The following ZC3H3 variants were observed in gnomAD, a reference collection of about 807,000 sequenced individuals.
ZC3H3 encodes zinc finger CCCH-type containing 3.
A neutral mutation model predicts 77.3 loss-of-function variants in ZC3H3; 36 were observed. The ratio of observed to expected loss-of-function variants is 0.47; its 90% confidence interval spans 0.36 to 0.61. The LOEUF is 0.61. Among genes scored for constraint, ZC3H3 ranks in the 20% least tolerant of loss-of-function variants. ZC3H3 has a pLI of 0.00. For missense variants in ZC3H3, 1,331 were observed against 1,312.2 expected (o/e 1.01, Z -0.22); for synonymous variants, 626 against 555.2 (o/e 1.13, Z -1.79).
chr8:143,450,008 C>T (rs139414687), intron 9 of ZC3H3, among the ~76,000 whole-genome samples: 263 of 152,296 alleles, frequency 1.7e-3, no homozygotes, highest in African/African-American at 5.2e-3. Context: ...CAAAACTCTC[C>T]TCATCTTGCT....
chr8:143,482,172 G>C (rs755196364), intron 4 of ZC3H3, among the ~76,000 whole-genome samples: 8 of 152,374 alleles, frequency 5.3e-5, no homozygotes, highest in Non-Finnish European at 1.0e-4. Flanking sequence ...AGTTCTCCTG[G>C]GAAGTTCTGG....
Position 143,538,966 on chromosome 8 carries a change from C to A in ZC3H3, c.401G>T (p.Gly134Val), listed in dbSNP as rs1271135285. 2.5e-6 allele frequency: 4 copies of A among 1,612,954 alleles called. No individual in the cohort carries two copies. Among genetic ancestry groups the A allele is most frequent in the Non-Finnish European group, 3.4e-6 (4 of 1,180,040 alleles). The part of the protein sequence containing the change: ...VIKVKPPSKS[G>V]SASASGAQRG... ...CTGGGCCCCTGAGGCACTGGCAGAGCCAGACTTTGATGGCGGTTTAACTTT... is the reference window on the plus strand; with the variant it reads ...CTGGGCCCCTGAGGCACTGGCAGAGACAGACTTTGATGGCGGTTTAACTTT... The change falls in exon 2 of 12, where the codon GGC becomes GTC. Residue 134 changes from glycine to valine, a missense_variant. Gly to Val is a moderately radical substitution (Grantham distance 109). This residue lies in a region of ZC3H3 where 978 missense variants were observed against 915.5 expected (regional missense o/e 1.07). Coordinates refer to ENST00000262577, the MANE Select transcript of ZC3H3 (RefSeq NM_015117.3).
At chr8:143,495,084 C>T (rs747319219) in intron 4 of ZC3H3, among the ~76,000 whole-genome samples, 3 of 152,206 alleles carry the variant, frequency 2.0e-5, no homozygotes, top group South Asian at 2.1e-4. Flanking sequence ...AGCGATCCCA[C>T]GCGCGACAGT....
At chr8:143,523,272 C>G in intron 3 of ZC3H3, 1 of 978,522 alleles carries the variant, frequency 1.0e-6, no homozygotes. Flanking sequence ...GCTCCACGTC[C>G]CCAGGGGCTA....
intron 5 of ZC3H3, among the ~76,000 whole-genome samples, chr8:143,475,175 A>G (rs1820697398): frequency 6.6e-6 from 1 of 152,172 alleles, no homozygotes; most frequent in South Asian, 2.1e-4. Flanking sequence ...TGTATGGAAG[A>G]GTGAAATTAA....
chr8:143,444,592 A>G (rs1417527268), intron 9 of ZC3H3, among the ~76,000 whole-genome samples: 2 of 152,260 alleles, frequency 1.3e-5, no homozygotes, highest in Non-Finnish European at 2.9e-5. Context: ...AAATTAGCAC[A>G]TTAACAGGTT....
chr8:143,470,786 G>C (rs1294358200), intron 5 of ZC3H3, among the ~76,000 whole-genome samples: 1 of 152,206 alleles, frequency 6.6e-6, no homozygotes, highest in Non-Finnish European at 1.5e-5. Context: ...CAAATGCTTT[G>C]CAGTGTTAAA....
intron 3 of ZC3H3, among the ~76,000 whole-genome samples, chr8:143,529,321 C>T (rs1822524743): frequency 6.6e-6 from 1 of 152,216 alleles, no homozygotes; most frequent in Non-Finnish European, 1.5e-5. Context: ...GTGACACCCC[C>T]ATAAGCATCT....
chr8:143,508,454 A>G (rs1182907368), intron 3 of ZC3H3, among the ~76,000 whole-genome samples: 1 of 152,228 alleles, frequency 6.6e-6, no homozygotes, highest in African/African-American at 2.4e-5. Context: ...CACTGTTTTC[A>G]TAACATTTTG....
chr8:143,446,927 G>C (rs1287056681), intron 9 of ZC3H3, among the ~76,000 whole-genome samples: 2 of 152,248 alleles, frequency 1.3e-5, no homozygotes, highest in African/African-American at 4.8e-5. Flanking sequence ...AGCCTCAGGT[G>C]AATCTCCCAG....
intron 4 of ZC3H3, among the ~76,000 whole-genome samples, chr8:143,485,784 A>C (rs185245115): frequency 6.6e-6 from 1 of 152,374 alleles, no homozygotes; most frequent in Admixed American, 6.5e-5. Flanking sequence ...AATCACACAA[A>C]AACAGGCCAA....
At position 143,538,869 on chromosome 8, in the gene ZC3H3, G is replaced by A; in HGVS notation, c.498C>T (p.Pro166=). The part of the protein sequence containing the change: ...DQRPREGEGE[P]PRGQLQPSRP... ...TCGAGGGCTGCAGCTGTCCCCGAGG[G>A]GGCTCACCTTCACCTTCCCGGGGCC... Residue 166 remains proline (P), a synonymous_variant, in exon 2 of 12, where the codon CCC becomes CCT. Coordinates refer to ENST00000262577, the MANE Select transcript of ZC3H3 (RefSeq NM_015117.3). 1 of 1,612,550 alleles carries A rather than the reference G, an allele frequency of 6.2e-7. No individual in the cohort carries two copies. Among genetic ancestry groups the A allele is most frequent in the Non-Finnish European group, 8.5e-7 (1 of 1,179,770 alleles).
At position 143,530,028 on chromosome 8, in the gene ZC3H3, A is replaced by C. The variant is rs1355862379; in HGVS notation, c.1561+6229T>G. Among the ~76,000 whole-genome samples, 1 of 152,148 alleles carries C rather than the reference A, an allele frequency of 6.6e-6. No individual in the cohort carries two copies. Among genetic ancestry groups the C allele is most frequent in the Non-Finnish European group, 1.5e-5 (1 of 68,020 alleles). Reference sequence around the variant, plus strand: ...TGCTGACAGCAGTTCCTCCACACCCAGGGGCGGGCACGGCAGACTGAGGGA... The same window carrying C: ...TGCTGACAGCAGTTCCTCCACACCCCGGGGCGGGCACGGCAGACTGAGGGA... On this transcript the variant is annotated intron_variant, in intron 3 of 11. Coordinates refer to ENST00000262577, the MANE Select transcript of ZC3H3 (RefSeq NM_015117.3). The surrounding 1 kb of genome is among the most constrained non-coding windows in gnomAD (Gnocchi z 4.3).
intron 3 of ZC3H3, among the ~76,000 whole-genome samples, chr8:143,526,672 G>A (rs1004058982): frequency 1.3e-5 from 2 of 152,206 alleles, no homozygotes; most frequent in African/African-American, 4.8e-5. Context: ...ACGGGCAGCA[G>A]ATGGGGCACA....
chr8:143,529,812 C>T (rs1822544139), intron 3 of ZC3H3, among the ~76,000 whole-genome samples: 1 of 152,222 alleles, frequency 6.6e-6, no homozygotes, highest in Non-Finnish European at 1.5e-5. Context: ...CAACAGCTCA[C>T]ACAGGCTCTC....
At chr8:143,510,512 G>A (rs1463765742) in intron 3 of ZC3H3, among the ~76,000 whole-genome samples, 1 of 152,278 alleles carries the variant, frequency 6.6e-6, no homozygotes, top group Admixed American at 6.5e-5. Flanking sequence ...CCAGCGACTG[G>A]CAGGAGCAAG....
At chr8:143,536,044 C>G (rs961288315) in intron 3 of ZC3H3, among the ~76,000 whole-genome samples, 7 of 152,220 alleles carry the variant, frequency 4.6e-5, no homozygotes, top group Admixed American at 2.6e-4. Context: ...CAGCACCTGC[C>G]CAGCAGCACA....
chr8:143,537,533 C>A (rs1388775036), intron 2 of ZC3H3, among the ~76,000 whole-genome samples: 2 of 152,236 alleles, frequency 1.3e-5, no homozygotes, highest in Non-Finnish European at 2.9e-5. Context: ...CTGGCAGGGC[C>A]CAGAGCTCTG....
In ZC3H3 at chr8:143,530,732, G is replaced by A. The variant is rs576792377; in HGVS notation, c.1561+5525C>T. Among the ~76,000 whole-genome samples, 4 of 152,284 alleles carry A rather than the reference G, an allele frequency of 2.6e-5. No individual in the cohort carries two copies. The highest frequency in any genetic ancestry group is 3.9e-4 in the East Asian group (2 of 5,174). The stretch of plus-strand genomic sequence containing the variant: ...GAGAGCCTGGCCACAGTGCTCAGCC[G>A]TGTGTACTGTAAACACTGTACTCGA... On this transcript the variant is annotated intron_variant, in intron 3 of 11. Transcript: ENST00000262577. This position sits in a 1 kb window ranked among gnomAD's most constrained non-coding sequence, Gnocchi z 4.3.
Sources: gnomAD v4.1 joint callset for allele counts (sites outside exome capture counted in the v4.1 genomes callset) on GRCh38, gnomAD v4.1.1 for gene constraint, gnomAD v4.1.1 regional missense constraint, Gnocchi (gnomAD v3.1) non-coding constraint, MANE v1.5 for transcripts, NCBI Gene and HGNC (gene_info 2026-07-23, HGNC 2026-07-21) for gene names.